Variants in ARHGEF7 observed in about 807,000 individuals in gnomAD.
ARHGEF7 encodes PAK-interacting exchange factor beta.
ARHGEF7 carries 33 observed loss-of-function variants against 109.8 expected under a neutral mutation model. The ratio of observed to expected loss-of-function variants is 0.30; its 90% confidence interval spans 0.23 to 0.40. ARHGEF7 has a LOEUF of 0.40. Ranked by LOEUF, ARHGEF7 falls within the 10% of genes least tolerant of loss-of-function variation. The pLI is 1.00. For synonymous variants in ARHGEF7, 458 were observed against 424.6 expected (o/e 1.08, Z -0.97); for missense variants, 938 against 1,098.5 (o/e 0.85, Z 2.07).
At chr13:111,166,623 T>C (rs1009940071) in intron 2 of ARHGEF7, among the ~76,000 whole-genome samples, 2 of 152,068 alleles carry the variant, frequency 1.3e-5, no homozygotes, top group Admixed American at 1.3e-4. Context: ...ATGGACTAGA[T>C]GGGGTATGCA....
chr13:111,191,683 T>C (rs956882097), intron 2 of ARHGEF7, among the ~76,000 whole-genome samples: 19 of 151,994 alleles, frequency 1.3e-4, no homozygotes, highest in African/African-American at 4.6e-4. Context: ...TGTAGAGGTA[T>C]TTAGGAGCTA....
At chr13:111,210,740 G>A (rs967354951) in intron 4 of ARHGEF7, among the ~76,000 whole-genome samples, 1 of 152,166 alleles carries the variant, frequency 6.6e-6, no homozygotes, top group Non-Finnish European at 1.5e-5. Context: ...CAGTGACTTC[G>A]ATTGGCTGCT....
chr13:111,270,528 G>A (rs2092054417), intron 9 of ARHGEF7, among the ~76,000 whole-genome samples: 1 of 152,084 alleles, frequency 6.6e-6, no homozygotes, highest in African/African-American at 2.4e-5. Flanking sequence ...AGTGTCTTGT[G>A]GATATTAGAA....
rs766633793 is a variant in ARHGEF7, at chr13:111,275,657, G to T, written c.1398G>T (p.Leu466=). The change falls in exon 12 of 22, where the codon CTG becomes CTT. Residue 466 remains leucine (L), a synonymous_variant. Coordinates refer to ENST00000646102, the MANE Select transcript of ARHGEF7 (RefSeq NM_001354046.2). ...LGNVTYMSQV[L]IQCAGSEEKN... Reference sequence around the variant, plus strand: ...ACGTCACTTACATGTCCCAGGTCCTGATTCAGTGTGCCGGAAGTGAGGTAC... The same window carrying T: ...ACGTCACTTACATGTCCCAGGTCCTTATTCAGTGTGCCGGAAGTGAGGTAC... 1 of 1,614,164 alleles carries T rather than the reference G, an allele frequency of 6.2e-7. No homozygotes were observed. The highest frequency in any genetic ancestry group is 1.1e-5 in the South Asian group (1 of 91,076).
At chr13:111,125,762 T>C (rs1269167189) in intron 1 of ARHGEF7, among the ~76,000 whole-genome samples, 2 of 152,268 alleles carry the variant, frequency 1.3e-5, no homozygotes, top group Non-Finnish European at 2.9e-5. Context: ...TAAGGGACTT[T>C]TAAGTACCCA....
At chr13:111,186,692 C>T (rs933099587) in intron 2 of ARHGEF7, 5 of 419,896 alleles carry the variant, frequency 1.2e-5, no homozygotes, top group African/African-American at 4.3e-5. Flanking sequence ...AACCACACTC[C>T]AGAGCTGTGC....
At chr13:111,162,110 G>T (rs1170434489) in intron 2 of ARHGEF7, among the ~76,000 whole-genome samples, 1 of 152,210 alleles carries the variant, frequency 6.6e-6, no homozygotes, top group African/African-American at 2.4e-5. Flanking sequence ...AGCTTCCAGA[G>T]AACTTTTGCC....
chr13:111,205,453 C>G, intron 3 of ARHGEF7, 80 bp downstream of exon 3: 4 of 931,282 alleles, frequency 4.3e-6, no homozygotes, highest in Non-Finnish European at 6.4e-6. Context: ...TTTACCAAAG[C>G]CAGGGGAGCA....
intron 8 of ARHGEF7, among the ~76,000 whole-genome samples, chr13:111,246,716 G>A (rs1477661549): frequency 6.6e-6 from 1 of 152,194 alleles, no homozygotes; most frequent in Non-Finnish European, 1.5e-5. Flanking sequence ...TTCTTTTGGT[G>A]AATGAAGGTC....
intron 1 of ARHGEF7, 99 bp from the exon 2 acceptor site, chr13:111,153,806 C>T: frequency 7.0e-7 from 1 of 1,435,376 alleles, no homozygotes; most frequent in Non-Finnish European, 9.0e-7. Flanking sequence ...CCAGCGTCGC[C>T]CGCTGTGTTG....
At chr13:111,118,549 TG>T (rs1360630009) in intron 1 of ARHGEF7, among the ~76,000 whole-genome samples, 1 of 152,192 alleles carries the variant, frequency 6.6e-6, no homozygotes, top group Non-Finnish European at 1.5e-5. Flanking sequence ...TCAGGATGTT[TG>T]GCTGGGCTGC....
chr13:111,289,259 C>G (rs2038822), intron 18 of ARHGEF7, among the ~76,000 whole-genome samples: 18,852 of 152,220 alleles, frequency 0.12, 1,175 homozygotes, highest in South Asian at 0.22. Flanking sequence ...GTCTTGAACT[C>G]CTGACCTCAG....
intron 1 of ARHGEF7, among the ~76,000 whole-genome samples, chr13:111,153,297 AC>A (rs1482313454): frequency 6.6e-6 from 1 of 152,132 alleles, no homozygotes; most frequent in Admixed American, 6.5e-5. Context: ...GAGGCCGAGG[AC>A]CTGGCGCCAA....
chr13:111,249,355 C>T (rs60246713), intron 8 of ARHGEF7, among the ~76,000 whole-genome samples: 52 of 152,156 alleles, frequency 3.4e-4, no homozygotes, highest in African/African-American at 1.2e-3. Context: ...GTTTACGTAG[C>T]TGCAGTTGAG....
chr13:111,298,546 G>C (rs560352286), intron 19 of ARHGEF7, among the ~76,000 whole-genome samples: 1 of 152,366 alleles, frequency 6.6e-6, no homozygotes, highest in East Asian at 1.9e-4. Context: ...GCAGCCCAAA[G>C]GGCTGTCTCC....
At chr13:111,115,234 G>A (rs1434680972), upstream of ARHGEF7, 1 of 147,160 alleles carries the variant, frequency 6.8e-6, no homozygotes, top group Admixed American at 6.8e-5. Flanking sequence ...CCGGGCGGAC[G>A]GCCGCGTCTT....
intron 13 of ARHGEF7, among the ~76,000 whole-genome samples, chr13:111,280,025 G>A (rs1046166985): frequency 2.0e-5 from 3 of 152,180 alleles, no homozygotes; most frequent in Admixed American, 6.5e-5. Flanking sequence ...TACAGTGTGT[G>A]TTTGGGCTTG....
rs2153343866 is a variant in ARHGEF7, at chr13:111,131,357, C to T, written c.165+15666C>T. Among the ~76,000 whole-genome samples the T allele has an allele frequency of 6.6e-6, 1 of 151,932 alleles. No individual in the cohort carries two copies. The highest frequency in any genetic ancestry group is 2.0e-4 in the East Asian group (1 of 5,128). On this transcript the variant is annotated intron_variant, in intron 1 of 21. Coordinates refer to ENST00000646102, the MANE Select transcript of ARHGEF7 (RefSeq NM_001354046.2). This position sits in a 1 kb window ranked among gnomAD's most constrained non-coding sequence, Gnocchi z 4.4. ...GATGGGGCGGTCGCCTGTGCTGGAG[C>T]CCTGGGCGAGGCTTACCTAGGTTTG...
intron 1 of ARHGEF7, among the ~76,000 whole-genome samples, chr13:111,124,698 A>G (rs1490597121): frequency 6.6e-6 from 1 of 152,152 alleles, no homozygotes; most frequent in African/African-American, 2.4e-5. Flanking sequence ...AGCCCCACCC[A>G]TCCTCCGTCT....
Sources: allele counts gnomAD v4.1 joint callset (sites outside exome capture counted in the v4.1 genomes callset), GRCh38; gene constraint gnomAD v4.1.1; non-coding constraint Gnocchi (gnomAD v3.1); transcripts MANE v1.5; gene names NCBI Gene and HGNC (gene_info 2026-07-23, HGNC 2026-07-21).